CNTNAP2: variants seen among roughly 807,000 people sequenced by gnomAD.
The protein encoded by CNTNAP2 is contactin-associated protein-like 2.
In CNTNAP2, 98 loss-of-function variants were observed where a neutral mutation model predicts 155.2. The observed-to-expected ratio is 0.63, with a 90% CI of 0.54 to 0.75. The LOEUF (loss-of-function observed/expected upper bound fraction) is 0.75. Ranked by LOEUF, CNTNAP2 falls within the 30% of genes least tolerant of loss-of-function variation. CNTNAP2 has a pLI of 0.00. For missense variants in CNTNAP2, 1,727 were observed against 1,688.1 expected (o/e 1.02, Z -0.40); for synonymous variants, 651 against 631.2 (o/e 1.03, Z -0.47).
At chr7:148,120,730 T>G (rs1411486253) in intron 16 of CNTNAP2, among the ~76,000 whole-genome samples, 5 of 152,192 alleles carry the variant, frequency 3.3e-5, no homozygotes, top group African/African-American at 9.7e-5. Context: ...CAAAAACATG[T>G]GAAACGTTCA....
intron 9 of CNTNAP2, among the ~76,000 whole-genome samples, chr7:147,322,354 T>A (rs1405363336): frequency 7.2e-5 from 11 of 152,218 alleles, no homozygotes; most frequent in Admixed American, 7.2e-4. Context: ...CTCCTATATT[T>A]GATATTAAAC....
intron 1 of CNTNAP2, among the ~76,000 whole-genome samples, chr7:146,249,814 A>T (rs2116941551): frequency 6.6e-6 from 1 of 152,296 alleles, no homozygotes; most frequent in Middle Eastern, 3.4e-3. Context: ...TTGGCCGTTC[A>T]TTAGATTAGA....
intron 8 of CNTNAP2, among the ~76,000 whole-genome samples, chr7:147,170,985 A>G (rs1802215577): frequency 6.6e-6 from 1 of 152,100 alleles, no homozygotes; most frequent in Non-Finnish European, 1.5e-5. Context: ...GGGTGCCTAT[A>G]GCTGGGCTCT....
At chr7:148,034,415 G>A (rs923452270) in intron 15 of CNTNAP2, among the ~76,000 whole-genome samples, 1 of 152,122 alleles carries the variant, frequency 6.6e-6, no homozygotes, top group Non-Finnish European at 1.5e-5. Flanking sequence ...TCTCATGAAG[G>A]GATTGATGCT....
intron 3 of CNTNAP2, among the ~76,000 whole-genome samples, chr7:146,935,780 G>A (rs1796902440): frequency 6.6e-6 from 1 of 152,112 alleles, no homozygotes; most frequent in South Asian, 2.1e-4. Flanking sequence ...TCAGTTGTAG[G>A]GGATTAAGAA....
intron 1 of CNTNAP2, among the ~76,000 whole-genome samples, chr7:146,525,191 C>G (rs801960): frequency 0.035 from 5,391 of 152,030 alleles, 307 homozygotes; most frequent in African/African-American, 0.12. Context: ...TGGTAATCCT[C>G]GGCTATTTGT....
intron 12 of CNTNAP2, among the ~76,000 whole-genome samples, chr7:147,573,732 G>A (rs556334143): frequency 6.6e-6 from 1 of 152,112 alleles, no homozygotes. Flanking sequence ...TATATCTGGG[G>A]TATACCATCA....
intron 12 of CNTNAP2, among the ~76,000 whole-genome samples, chr7:147,576,056 G>A (rs571883911): frequency 6.6e-6 from 1 of 151,836 alleles, no homozygotes; most frequent in East Asian, 1.9e-4. Flanking sequence ...TGAAACATTC[G>A]AAGAAACCCT....
At chr7:146,323,270 T>C (rs906029156) in intron 1 of CNTNAP2, among the ~76,000 whole-genome samples, 2 of 152,178 alleles carry the variant, frequency 1.3e-5, no homozygotes, top group African/African-American at 2.4e-5. Flanking sequence ...TTATGCTTTG[T>C]CTAAAGGTTC....
chr7:146,204,227 A>C (rs1468903326), intron 1 of CNTNAP2, among the ~76,000 whole-genome samples: 1 of 152,160 alleles, frequency 6.6e-6, no homozygotes, highest in African/African-American at 2.4e-5. Context: ...GACAGACTCT[A>C]AATTGGAAAT....
At chr7:146,351,955 T>C (rs1464491200) in intron 1 of CNTNAP2, among the ~76,000 whole-genome samples, 1 of 152,186 alleles carries the variant, frequency 6.6e-6, no homozygotes, top group Non-Finnish European at 1.5e-5. Flanking sequence ...TTAAAAGACC[T>C]TGCTAAATAT....
chr7:146,439,181 C>G (rs566998397), intron 1 of CNTNAP2, among the ~76,000 whole-genome samples: 1 of 151,312 alleles, frequency 6.6e-6, no homozygotes, highest in African/African-American at 2.5e-5. Flanking sequence ...ACTATGTATC[C>G]CTTCCTTATA....
chr7:146,840,307 TAAGAA>T (rs1266739092), intron 3 of CNTNAP2, among the ~76,000 whole-genome samples: 3 of 152,208 alleles, frequency 2.0e-5, no homozygotes, highest in African/African-American at 4.8e-5. Flanking sequence ...TGATAGATGT[TAAGAA>T]AAGAACTTGT....
intron 9 of CNTNAP2, among the ~76,000 whole-genome samples, chr7:147,355,152 G>A (rs867592860): frequency 6.6e-6 from 1 of 151,846 alleles, no homozygotes; most frequent in Non-Finnish European, 1.5e-5. Context: ...GAGTAAAGTG[G>A]AACCCGTATA....
At chr7:146,882,565 C>A (rs1795574948) in intron 3 of CNTNAP2, among the ~76,000 whole-genome samples, 1 of 152,014 alleles carries the variant, frequency 6.6e-6, no homozygotes, top group South Asian at 2.1e-4. Flanking sequence ...TGTTTGCTTC[C>A]CCTTCTGCCA....
At chr7:146,253,956 G>A (rs1799796990) in intron 1 of CNTNAP2, among the ~76,000 whole-genome samples, 2 of 152,034 alleles carry the variant, frequency 1.3e-5, no homozygotes, top group African/African-American at 2.4e-5. Context: ...CAGCTATTTG[G>A]GAGGCTGACA....
At chr7:146,261,938 C>G (rs1322546197) in intron 1 of CNTNAP2, among the ~76,000 whole-genome samples, 1 of 152,134 alleles carries the variant, frequency 6.6e-6, no homozygotes, top group Non-Finnish European at 1.5e-5. Context: ...TGAACAAGCA[C>G]CTCTGAAAAA....
intron 8 of CNTNAP2, among the ~76,000 whole-genome samples, chr7:147,183,058 G>A (rs1262082642): frequency 6.6e-6 from 1 of 151,738 alleles, no homozygotes; most frequent in Non-Finnish European, 1.5e-5. Context: ...GTTTATGTTA[G>A]TGTGTCATCT....
chr7:146,269,316 G>C (rs1201383941), intron 1 of CNTNAP2, among the ~76,000 whole-genome samples: 1 of 151,732 alleles, frequency 6.6e-6, no homozygotes, highest in Non-Finnish European at 1.5e-5. Flanking sequence ...TTCCAGCCTG[G>C]TGACAGAGCG....
Sources: gnomAD v4.1 joint callset for allele counts (sites outside exome capture counted in the v4.1 genomes callset) on GRCh38, gnomAD v4.1.1 for gene constraint, MANE v1.5 for transcripts, NCBI Gene and HGNC (gene_info 2026-07-23, HGNC 2026-07-21) for gene names.